HIRA: variants seen among roughly 807,000 people sequenced by gnomAD.
HIRA encodes the protein protein HIRA.
A neutral mutation model predicts 126.6 loss-of-function variants in HIRA; 13 were observed. The ratio of observed to expected loss-of-function variants is 0.10; its 90% CI spans 0.07 to 0.16. The LOEUF (loss-of-function observed/expected upper bound fraction) is 0.16. Ranked by LOEUF, HIRA falls within the 10% of genes least tolerant of loss-of-function variation. HIRA has a pLI of 1.00. For synonymous variants in HIRA, 511 were observed against 520.0 expected, an observed-to-expected ratio of 0.98 and a Z score of 0.24; for missense variants, 834 against 1,314.4, an observed-to-expected ratio of 0.63 and a Z score of 5.65.
Position 19,359,390 on chromosome 22 carries a change from C to T in HIRA, c.2180G>A (p.Gly727Glu), listed in dbSNP as rs932832957. The change falls in exon 18 of 25, where the codon GGG (glycine) becomes GAG (glutamate). Residue 727 changes from glycine (G) to glutamate (E), a missense_variant. Transcript: ENST00000263208. ...KLSRLKCNRE[G>E]KEWETVLTSR... ...GGTGAGTACCGTCTCCCACTCCTTCCCTTCCCGGTTGCACTTCAGGCGGCT... is the reference window on the plus strand; with the variant it reads ...GGTGAGTACCGTCTCCCACTCCTTCTCTTCCCGGTTGCACTTCAGGCGGCT... 2 of 1,610,618 alleles carry T rather than the reference C, an allele frequency of 1.2e-6. No individual in the cohort carries two copies. The highest frequency in any genetic ancestry group is 2.7e-5 in the African/African-American group (2 of 74,904).
At chr22:19,342,235 A>T (rs2088637858) in intron 24 of HIRA, among the ~76,000 whole-genome samples, 1 of 152,240 alleles carries the variant, frequency 6.6e-6, no homozygotes, top group African/African-American at 2.4e-5. Context: ...GGGAAATGCA[A>T]ATCAAAACCA....
intron 24 of HIRA, among the ~76,000 whole-genome samples, chr22:19,345,233 C>T (rs2088673258): frequency 6.6e-6 from 1 of 152,108 alleles, no homozygotes; most frequent in African/African-American, 2.4e-5. Context: ...TATGGAAAAC[C>T]CTAAAGATTC....
At position 19,431,585 on chromosome 22, in the gene HIRA, G is replaced by C. The variant is rs1321984784; in HGVS notation, c.-109C>G. 41 of 941,094 alleles carry C rather than the reference G, an allele frequency of 4.4e-5. 1 individual carries two copies. The highest frequency in any genetic ancestry group is 1.8e-5 in the African/African-American group (1 of 55,580). The allele number at this position is 941,094 out of a possible 1,614,324, so 58.3% of individuals were successfully genotyped here. On this transcript the variant is annotated 5_prime_UTR_variant, in exon 1 of 25. Transcript: ENST00000263208. ...CTCCCGCGCCACCCGCCCTCCGGCC[G>C]CCGCCCGCCCCGCGCCCTCAGGGCC...
At position 19,351,596 on chromosome 22, in the gene HIRA, A is replaced by G; in HGVS notation, c.2849-150T>C. The stretch of plus-strand genomic sequence containing the variant: ...TATTTTATTGCCTACTATGGGCAAG[A>G]CGCCCCTGCATGTCTCTCAGCGGGG... On this transcript the variant is annotated intron_variant, in intron 23 of 24. Coordinates refer to ENST00000263208, the MANE Select transcript of HIRA (RefSeq NM_003325.4). The surrounding 1 kb of genome is among the most constrained non-coding windows in gnomAD (Gnocchi z 4.8). The G allele has an allele frequency of 3.1e-6, 2 of 640,520 alleles. No homozygotes were observed. Among genetic ancestry groups the G allele is most frequent in the African/African-American group, 3.7e-5 (2 of 54,526 alleles). The allele number at this position is 640,520 out of a possible 1,614,324, so 39.7% of individuals were successfully genotyped here. A position where few individuals can be genotyped will look rare whatever the true frequency, so the allele number is the denominator to read the frequency against.
Position 19,351,609 on chromosome 22 carries a change from T to C in HIRA, c.2849-163A>G, listed in dbSNP as rs1249453876. On this transcript the variant is annotated intron_variant, in intron 23 of 24. Coordinates refer to ENST00000263208, the MANE Select transcript of HIRA (RefSeq NM_003325.4). The surrounding 1 kb of genome is among the most constrained non-coding windows in gnomAD (Gnocchi z 4.8). ...ACTATGGGCAAGACGCCCCTGCATG[T>C]CTCTCAGCGGGGGGCACTGAGACCC... Among the ~76,000 whole-genome samples the C allele has an allele frequency of 1.3e-5, 2 of 152,156 alleles. No individual in the cohort carries two copies. Among genetic ancestry groups the C allele is most frequent in the African/African-American group, 2.4e-5 (1 of 41,428 alleles).
At chr22:19,402,341 T>C (rs188119310) in intron 5 of HIRA, among the ~76,000 whole-genome samples, 10 of 152,390 alleles carry the variant, frequency 6.6e-5, no homozygotes, top group African/African-American at 2.4e-4. Flanking sequence ...CAATGTCATT[T>C]TGTATCTTAA....
At chr22:19,387,850 A>G in intron 10 of HIRA, 34 bp from the exon 11 acceptor site, 1 of 1,514,236 alleles carries the variant, frequency 6.6e-7, no homozygotes, top group Non-Finnish European at 9.1e-7. Context: ...CCTGGTAGCA[A>G]GAGCCCCAGG....
intron 1 of HIRA, among the ~76,000 whole-genome samples, chr22:19,429,772 T>A (rs1334418729): frequency 1.3e-5 from 2 of 152,192 alleles, no homozygotes; most frequent in Non-Finnish European, 2.9e-5. Flanking sequence ...ACAAGTTATA[T>A]GACAGTAGAA....
chr22:19,405,725 G>C (rs1478887298), intron 5 of HIRA, 61 bp downstream of exon 5: 1 of 1,206,286 alleles, frequency 8.3e-7, no homozygotes, highest in Non-Finnish European at 1.1e-6. Context: ...GGACGTGGCG[G>C]TGCTGCTGAT....
intron 14 of HIRA, 113 bp downstream of exon 14, chr22:19,377,756 T>C: frequency 1.0e-6 from 1 of 984,808 alleles, no homozygotes. Flanking sequence ...TTTTCTTTCT[T>C]TTTTGATTGA....
At chr22:19,339,509 T>C (rs554040178) in intron 24 of HIRA, among the ~76,000 whole-genome samples, 5 of 152,176 alleles carry the variant, frequency 3.3e-5, no homozygotes, top group African/African-American at 1.2e-4. Flanking sequence ...TGGTGACGCA[T>C]GCCTGTAGTC....
intron 5 of HIRA, chr22:19,405,513 C>T (rs1291351062): frequency 2.7e-5 from 27 of 985,230 alleles, no homozygotes; most frequent in Non-Finnish European, 3.3e-5. Flanking sequence ...GCAGGACAAA[C>T]AGCAGAACGT....
intron 4 of HIRA, 64 bp from the exon 5 acceptor site, chr22:19,405,944 C>CCTGATAAGCTGG: frequency 9.2e-7 from 1 of 1,084,904 alleles, no homozygotes; most frequent in Non-Finnish European, 1.2e-6. Context: ...AGAAATGCTC[C>CCTGATAAGCTGG]CTGCAGCCAG....
At chr22:19,341,229 T>G (rs999964462) in intron 24 of HIRA, among the ~76,000 whole-genome samples, 1 of 152,016 alleles carries the variant, frequency 6.6e-6, no homozygotes, top group Admixed American at 6.6e-5. Context: ...AATGGGCAGA[T>G]CACTTGAGCC....
intron 13 of HIRA, among the ~76,000 whole-genome samples, chr22:19,379,261 C>G (rs959342065): frequency 1.3e-5 from 2 of 151,544 alleles, no homozygotes; most frequent in African/African-American, 4.8e-5. Flanking sequence ...ATCCGCCCGC[C>G]TTGGCTTCCC....
rs1469226590 is a variant in HIRA, at chr22:19,394,492, A to G, written c.672T>C (p.His224=). The part of the protein sequence containing the change: ...KPFDECGGTT[H]VLRLSWSPDG... Reference sequence around the variant, plus strand: ...CAGGTGACCAGCTGAGCCGCAACACATGGGTCGTTCCTCCACACTGAAAGA... The same window carrying G: ...CAGGTGACCAGCTGAGCCGCAACACGTGGGTCGTTCCTCCACACTGAAAGA... Residue 224 remains histidine, a synonymous_variant, in exon 8 of 25, where the codon CAT becomes CAC. Coordinates refer to ENST00000263208, the MANE Select transcript of HIRA (RefSeq NM_003325.4). The G allele has an allele frequency of 6.2e-7, 1 of 1,614,134 alleles. No individual in the cohort carries two copies. Among genetic ancestry groups the G allele is most frequent in the Admixed American group, 1.7e-5 (1 of 60,024 alleles).
intron 8 of HIRA, 99 bp from the exon 9 acceptor site, chr22:19,392,313 TTC>T: frequency 1.5e-6 from 1 of 655,560 alleles, no homozygotes. Context: ...CCCACAGACA[TTC>T]TCTGAGCCCA....
At chr22:19,427,396 A>C (rs1402342057) in intron 1 of HIRA, among the ~76,000 whole-genome samples, 3 of 152,216 alleles carry the variant, frequency 2.0e-5, no homozygotes, top group Non-Finnish European at 2.9e-5. Context: ...GCTGGACCTT[A>C]CCCACCCACT....
At chr22:19,364,086 G>A (rs1317461757) in intron 15 of HIRA, among the ~76,000 whole-genome samples, 3 of 151,880 alleles carry the variant, frequency 2.0e-5, no homozygotes, top group Non-Finnish European at 2.9e-5. Flanking sequence ...TTGGGGAGGC[G>A]GGCATGTGGG....
Sources: allele counts gnomAD v4.1 joint callset (sites outside exome capture counted in the v4.1 genomes callset), GRCh38; gene constraint gnomAD v4.1.1; non-coding constraint Gnocchi (gnomAD v3.1); transcripts MANE v1.5; gene names NCBI Gene and HGNC (gene_info 2026-07-23, HGNC 2026-07-21).